PSD3: variants seen among roughly 807,000 people sequenced by gnomAD.
PSD3 encodes the protein PH and SEC7 domain-containing protein 3.
PSD3 carries 49 observed loss-of-function variants against 105.5 expected under a neutral mutation model. That is an observed-to-expected ratio of 0.46 (90% CI 0.37 to 0.59). PSD3 has a LOEUF of 0.59. PSD3 is among the 20% of genes least tolerant of loss of function. The pLI, the probability that PSD3 is intolerant of heterozygous loss-of-function variation, is 0.00. For missense variants in PSD3, 1,561 were observed against 1,263.8 expected (o/e 1.24, Z -3.57); for synonymous variants, 557 against 457.8 (o/e 1.22, Z -2.77).
At chr8:19,015,506 G>A (rs2129475647), upstream of PSD3, among the ~76,000 whole-genome samples, 1 of 152,268 alleles carries the variant, frequency 6.6e-6, no homozygotes, top group East Asian at 1.9e-4. Flanking sequence ...GGTTTTGTTG[G>A]CAAAGCATCA....
intron 1 of PSD3, among the ~76,000 whole-genome samples, chr8:18,944,857 T>C (rs1377629882): frequency 6.6e-6 from 1 of 152,190 alleles, no homozygotes; most frequent in Non-Finnish European, 1.5e-5. Context: ...GTCCCCATTA[T>C]TCTCTGAGCA....
At chr8:18,586,961 C>T (rs956863745) in intron 12 of PSD3, among the ~76,000 whole-genome samples, 2 of 152,150 alleles carry the variant, frequency 1.3e-5, no homozygotes, top group Non-Finnish European at 2.9e-5. Flanking sequence ...ATCTTTGCAT[C>T]CCCATCTCTG....
intron 2 of PSD3, among the ~76,000 whole-genome samples, chr8:18,874,103 T>C (rs1490968573): frequency 1.3e-5 from 2 of 152,182 alleles, no homozygotes; most frequent in East Asian, 3.8e-4. Context: ...AAATACAGTG[T>C]ACTCACTTTT....
chr8:18,793,557 G>C (rs756211278), intron 8 of PSD3, among the ~76,000 whole-genome samples: 2 of 152,022 alleles, frequency 1.3e-5, no homozygotes, highest in African/African-American at 2.4e-5. Context: ...AGACAAACAC[G>C]GCACCAAGGA....
At chr8:18,612,521 C>T (rs567643055) in intron 11 of PSD3, among the ~76,000 whole-genome samples, 21 of 152,092 alleles carry the variant, frequency 1.4e-4, no homozygotes, top group Non-Finnish European at 2.4e-4. Flanking sequence ...TACAGGCGCC[C>T]GCCACCCGCC....
intron 8 of PSD3, among the ~76,000 whole-genome samples, chr8:18,768,364 G>T (rs1488381724): frequency 2.0e-5 from 3 of 152,144 alleles, no homozygotes; most frequent in Non-Finnish European, 1.5e-5. Context: ...CACACTGCCT[G>T]GGAGGCCCAG....
At chr8:18,710,322 C>T (rs1194475895) in intron 9 of PSD3, among the ~76,000 whole-genome samples, 1 of 152,012 alleles carries the variant, frequency 6.6e-6, no homozygotes, top group Non-Finnish European at 1.5e-5. Flanking sequence ...ATGAACAAAA[C>T]CTTCGAAAAC....
intron 1 of PSD3, among the ~76,000 whole-genome samples, chr8:19,052,073 T>C (rs1828548469): frequency 6.6e-6 from 1 of 152,192 alleles, no homozygotes; most frequent in Non-Finnish European, 1.5e-5. Flanking sequence ...TGGCAAGGTC[T>C]GCAGGGAGGA....
chr8:18,826,048 T>C (rs1408260662), intron 4 of PSD3, among the ~76,000 whole-genome samples: 1 of 152,086 alleles, frequency 6.6e-6, no homozygotes, highest in East Asian at 1.9e-4. Context: ...GTGGGTATCA[T>C]CCAAAGCCCA....
At chr8:19,028,627 C>T (rs1307406772) in intron 1 of PSD3, among the ~76,000 whole-genome samples, 1 of 152,088 alleles carries the variant, frequency 6.6e-6, no homozygotes, top group African/African-American at 2.4e-5. Flanking sequence ...AATGTTTTCT[C>T]CCTGGCTTTG....
At chr8:18,947,664 C>T (rs185847663) in intron 1 of PSD3, among the ~76,000 whole-genome samples, 4,657 of 152,292 alleles carry the variant, frequency 0.031, 136 homozygotes, top group East Asian at 0.12. Flanking sequence ...TTAACAGGTT[C>T]AAATGAATCT....
rs867805993 is a variant in PSD3, at chr8:18,759,330, A to T, written c.2172+6119T>A. On this transcript the variant is annotated intron_variant, in intron 9 of 15. Transcript: ENST00000327040. Reference sequence around the variant, plus strand: ...TTCCCTACGTTTTTAAATGATTTCCAGTGACACTGTCTTCTAACTAGAATT... The same window carrying T: ...TTCCCTACGTTTTTAAATGATTTCCTGTGACACTGTCTTCTAACTAGAATT... 2.0e-5 allele frequency among the ~76,000 whole-genome samples: 3 copies of T among 152,282 alleles called. No individual in the cohort carries two copies. The Middle Eastern group carries it at 0.01, about 518-fold the overall frequency.
intron 10 of PSD3, among the ~76,000 whole-genome samples, chr8:18,654,936 A>C (rs1376395332): frequency 6.6e-6 from 1 of 152,162 alleles, no homozygotes; most frequent in Non-Finnish European, 1.5e-5. Flanking sequence ...GGAGATAATT[A>C]AAATAAGTGG....
chr8:18,601,082 C>A (rs1319151213), intron 11 of PSD3, among the ~76,000 whole-genome samples: 1 of 152,160 alleles, frequency 6.6e-6, no homozygotes, highest in Non-Finnish European at 1.5e-5. Flanking sequence ...TTAGAATTCA[C>A]CAAATCGAGT....
chr8:18,975,456 C>G (rs17127568), intron 1 of PSD3, among the ~76,000 whole-genome samples: 9,007 of 151,844 alleles, frequency 0.059, 919 homozygotes, highest in African/African-American at 0.21. Context: ...CGCAGAAGAG[C>G]GTTTGTAGCC....
At chr8:18,823,194 C>T (rs1812888183) in intron 4 of PSD3, among the ~76,000 whole-genome samples, 1 of 151,792 alleles carries the variant, frequency 6.6e-6, no homozygotes, top group Non-Finnish European at 1.5e-5. Flanking sequence ...TCAGAGGATA[C>T]ACTCCTTTCT....
intron 9 of PSD3, among the ~76,000 whole-genome samples, chr8:18,674,655 A>G (rs1402758961): frequency 6.6e-6 from 1 of 152,196 alleles, no homozygotes; most frequent in Non-Finnish European, 1.5e-5. Flanking sequence ...CTGTCCAACC[A>G]TAGTAAGAGT....
chr8:18,574,112 A>T (rs1408940020), intron 13 of PSD3, among the ~76,000 whole-genome samples: 1 of 152,212 alleles, frequency 6.6e-6, no homozygotes, highest in Non-Finnish European at 1.5e-5. Flanking sequence ...AATGATCATG[A>T]ATCAGGACAG....
At chr8:18,781,262 C>G (rs1252128838) in intron 8 of PSD3, among the ~76,000 whole-genome samples, 1 of 152,180 alleles carries the variant, frequency 6.6e-6, no homozygotes, top group African/African-American at 2.4e-5. Context: ...TGTTATTGTA[C>G]TTGCTATAAT....
Sources: gnomAD v4.1 joint callset for allele counts (sites outside exome capture counted in the v4.1 genomes callset) on GRCh38, gnomAD v4.1.1 for gene constraint, MANE v1.5 for transcripts, NCBI Gene and HGNC (gene_info 2026-07-23, HGNC 2026-07-21) for gene names.